The following PGM2L1 variants were observed in gnomAD, a reference collection of about 807,000 sequenced individuals.
The protein encoded by PGM2L1 is phosphoglucomutase 2 like 1, also known as glucose 1,6-bisphosphate synthase.
A neutral mutation model predicts 73.4 loss-of-function variants in PGM2L1; 35 were observed. The ratio of observed to expected loss-of-function variants is 0.48; its 90% CI spans 0.36 to 0.63. PGM2L1 has a LOEUF of 0.63. Ranked by LOEUF, PGM2L1 falls within the 30% of genes least tolerant of loss-of-function variation. The pLI is 0.00. For missense variants in PGM2L1, 570 were observed against 742.0 expected (o/e 0.77, Z 2.69); for synonymous variants, 225 against 253.8 (o/e 0.89, Z 1.08).
chr11:74,343,017 G>A lies in PGM2L1; in HGVS notation c.1313-3C>T, dbSNP rs753133680. On this transcript the variant is annotated splice_polypyrimidine_tract_variant and splice_region_variant and intron_variant, in intron 10 of 13. Transcript: ENST00000298198. Reference sequence around the variant, plus strand: ...AACTGAAGTTCCACAGAGAAAACCTGAGGATTGAAAACCATCACTAGAAAA... The same window carrying A: ...AACTGAAGTTCCACAGAGAAAACCTAAGGATTGAAAACCATCACTAGAAAA... 7 of 1,591,670 alleles carry A rather than the reference G, an allele frequency of 4.4e-6. No individual in the cohort carries two copies. In the Admixed American group the frequency reaches 1.3e-4, roughly 30 times the overall value.
chr11:74,374,893 G>A (rs771368537), intron 1 of PGM2L1, among the ~76,000 whole-genome samples: 8 of 151,990 alleles, frequency 5.3e-5, no homozygotes, highest in African/African-American at 1.9e-4. Context: ...AGTAAAAAAC[G>A]ACATCAATTA....
chr11:74,345,436 A>C, intron 9 of PGM2L1, 33 bp downstream of exon 9: 1 of 1,549,882 alleles, frequency 6.5e-7, no homozygotes, highest in Non-Finnish European at 8.8e-7. Context: ...AATAGGTTTT[A>C]AAAAGTAGCA....
In PGM2L1 at chr11:74,361,400, G is replaced by A. The variant is rs1387681494; in HGVS notation, c.555+7092C>T. Among the ~76,000 whole-genome samples, 7 of 152,218 alleles carry A rather than the reference G, an allele frequency of 4.6e-5. No individual in the cohort carries two copies. The Middle Eastern group carries it at 0.01, about 222-fold the overall frequency. On this transcript the variant is annotated intron_variant, in intron 5 of 13. Coordinates refer to ENST00000298198, the MANE Select transcript of PGM2L1 (RefSeq NM_173582.6). ...ATTCACACCAAAACCCCATCTGTACGTCACCATCATCAAAGACCAAAGGTA... is the reference window on the plus strand; with the variant it reads ...ATTCACACCAAAACCCCATCTGTACATCACCATCATCAAAGACCAAAGGTA...
At chr11:74,377,395 AGTGCTGGGATTACAGCC>A (rs1351178870) in intron 1 of PGM2L1, among the ~76,000 whole-genome samples, 1 of 152,154 alleles carries the variant, frequency 6.6e-6, no homozygotes, top group Non-Finnish European at 1.5e-5. Context: ...GGCCTCCCAA[AGTGCTGGGATTACAGCC>A]GTGAGCCACC....
rs1270282930 is a variant in PGM2L1 at position 74,336,245 on chromosome 11, T to A, written c.*407A>T. ...AATTTTATGGACTAATTTCCTTAAC[T>A]AACCCTACAATTATATAACATTTAC... On this transcript the variant is annotated 3_prime_UTR_variant, in exon 14 of 14. Transcript: ENST00000298198. The A allele has an allele frequency of 6.6e-6, 1 of 152,634 alleles. No individual in the cohort carries two copies. Among genetic ancestry groups the A allele is most frequent in the Non-Finnish European group, 1.5e-5 (1 of 68,344 alleles). 9.5% of individuals were successfully genotyped at this position (152,634 alleles called of 1,614,324 possible). A position where few individuals can be genotyped will look rare whatever the true frequency, so the allele number is the denominator to read the frequency against.
Position 74,334,143 on chromosome 11 carries a change from C to T in PGM2L1, c.*2509G>A, listed in dbSNP as rs1862055880. 6.6e-6 allele frequency: 1 copy of T among 152,200 alleles called. No homozygotes were observed. The highest frequency in any genetic ancestry group is 2.4e-5 in the African/African-American group (1 of 41,450). The allele number at this position is 152,200 out of a possible 1,614,324, so 9.4% of individuals were successfully genotyped here. On this transcript the variant is annotated 3_prime_UTR_variant, in exon 14 of 14. Coordinates refer to ENST00000298198, the MANE Select transcript of PGM2L1 (RefSeq NM_173582.6). Reference sequence around the variant, plus strand: ...AAATTTTGTTAACTTGAGAGAAGAACACTTCAATAACTTTTCACCTTAAGA... The same window carrying T: ...AAATTTTGTTAACTTGAGAGAAGAATACTTCAATAACTTTTCACCTTAAGA...
At position 74,371,710 on chromosome 11, in the gene PGM2L1, C is replaced by T. The variant is rs1862756347; in HGVS notation, c.386+1G>A. 3 of 1,609,462 alleles carry T rather than the reference C, an allele frequency of 1.9e-6. No individual in the cohort carries two copies. Among genetic ancestry groups the T allele is most frequent in the Non-Finnish European group, 2.6e-6 (3 of 1,175,896 alleles). ...AATCTTTGAAACAATTAACTTTGTA[C>T]CTCTGGCTGCTGCAGCTGCTAGTTA... On this transcript the variant is annotated splice_donor_variant, in intron 3 of 13. Transcript: ENST00000298198. LOFTEE classifies it high-confidence loss of function.
intron 12 of PGM2L1, among the ~76,000 whole-genome samples, chr11:74,340,976 T>C (rs901086594): frequency 6.6e-6 from 1 of 152,212 alleles, no homozygotes; most frequent in African/African-American, 2.4e-5. Flanking sequence ...GCTGTTCTAT[T>C]TGGCTGGAGG....
chr11:74,363,603 A>G (rs1040929374), intron 5 of PGM2L1, among the ~76,000 whole-genome samples: 3 of 152,210 alleles, frequency 2.0e-5, no homozygotes, highest in Non-Finnish European at 4.4e-5. Context: ...CTCTATGCAA[A>G]TAAACTAGAA....
rs1209736719 is a variant in PGM2L1, at chr11:74,335,391, A to AT, written c.*1260dup. Reference sequence around the variant, plus strand: ...TGCCTCAGCCTCCCAAAGTGCTGGGATTACAGGCGTGAGCCACTGCGCCCA... The same window carrying AT: ...TGCCTCAGCCTCCCAAAGTGCTGGGATTTACAGGCGTGAGCCACTGCGCCCA... On this transcript the variant is annotated 3_prime_UTR_variant, in exon 14 of 14. Transcript: ENST00000298198. The AT allele has an allele frequency of 1.3e-5, 2 of 152,210 alleles. No individual in the cohort carries two copies. The highest frequency in any genetic ancestry group is 4.8e-5 in the African/African-American group (2 of 41,442). 9.4% of individuals were successfully genotyped at this position (152,210 alleles called of 1,614,324 possible). A position where few individuals can be genotyped will look rare whatever the true frequency, so the allele number is the denominator to read the frequency against.
intron 1 of PGM2L1, among the ~76,000 whole-genome samples, chr11:74,377,114 A>C (rs144407161): frequency 1.5e-4 from 23 of 151,788 alleles, no homozygotes; most frequent in Middle Eastern, 3.4e-3. Flanking sequence ...AAGAATTATA[A>C]ACTAATTATC....
chr11:74,366,459 T>TA (rs60427823), intron 5 of PGM2L1, among the ~76,000 whole-genome samples: 7,526 of 143,292 alleles, frequency 0.053, 622 homozygotes, highest in African/African-American at 0.18. Flanking sequence ...CCCCATCTCT[T>TA]AAAAAAAAAA....
intron 5 of PGM2L1, among the ~76,000 whole-genome samples, chr11:74,365,923 T>A (rs1254522133): frequency 2.6e-5 from 4 of 152,210 alleles, no homozygotes; most frequent in Non-Finnish European, 4.4e-5. Context: ...GTATGTTTAT[T>A]GCGGCACTAT....
chr11:74,354,357 TA>T (rs1283392655), intron 5 of PGM2L1: 5 of 535,870 alleles, frequency 9.3e-6, no homozygotes, highest in African/African-American at 3.8e-5. Context: ...AAATCTAGTT[TA>T]AAAAAACGTT....
intron 1 of PGM2L1, among the ~76,000 whole-genome samples, chr11:74,390,496 T>C (rs1863084869): frequency 6.6e-6 from 1 of 152,230 alleles, no homozygotes; most frequent in African/African-American, 2.4e-5. Context: ...AAGGACATCT[T>C]AGCTGTTTTC....
At chr11:74,377,768 G>C (rs1862878794) in intron 1 of PGM2L1, among the ~76,000 whole-genome samples, 1 of 152,200 alleles carries the variant, frequency 6.6e-6, no homozygotes, top group African/African-American at 2.4e-5. Context: ...GTGTGTCTAT[G>C]TGAATAATTT....
At chr11:74,388,172 TGC>T (rs576794006) in intron 1 of PGM2L1, among the ~76,000 whole-genome samples, 62 of 152,292 alleles carry the variant, frequency 4.1e-4, no homozygotes, top group African/African-American at 1.4e-3. Context: ...AATGGAGAGT[TGC>T]TAAGCAAGAG....
chr11:74,374,182 C>G (rs939049521), intron 2 of PGM2L1, among the ~76,000 whole-genome samples: 6 of 152,018 alleles, frequency 3.9e-5, no homozygotes, highest in Non-Finnish European at 8.8e-5. Context: ...CTCCCAGGTT[C>G]AAGCGATTCT....
At chr11:74,351,686 G>C in intron 5 of PGM2L1, 110 bp from the exon 6 acceptor site, 1 of 977,820 alleles carries the variant, frequency 1.0e-6, no homozygotes, top group Non-Finnish European at 1.5e-6. Flanking sequence ...ATTGAGGCCA[G>C]GCACGGTGGC....
Sources: gnomAD v4.1 joint callset for allele counts (sites outside exome capture counted in the v4.1 genomes callset) on GRCh38, gnomAD v4.1.1 for gene constraint, MANE v1.5 for transcripts, NCBI Gene and HGNC (gene_info 2026-07-23, HGNC 2026-07-21) for gene names.